The following SOS1 variants were observed in gnomAD, a reference collection of about 807,000 sequenced individuals.
SOS1 encodes the protein SOS Ras/Rac guanine nucleotide exchange factor 1, also known as son of sevenless homolog 1.
A neutral mutation model predicts 157.6 loss-of-function variants in SOS1; 25 were observed. The observed-to-expected ratio is 0.16, with a 90% CI of 0.12 to 0.22. SOS1 has a LOEUF of 0.22. Ranked by LOEUF, SOS1 falls within the 10% of genes least tolerant of loss-of-function variation. SOS1 has a pLI of 1.00. For missense variants in SOS1, 1,237 were observed against 1,599.1 expected (o/e 0.77, Z 3.86); for synonymous variants, 528 against 534.0 (o/e 0.99, Z 0.16).
intron 2 of SOS1, among the ~76,000 whole-genome samples, chr2:39,063,318 T>C (rs1671475577): frequency 7.8e-6 from 1 of 127,428 alleles, no homozygotes; most frequent in Non-Finnish European, 1.7e-5. Flanking sequence ...ATTACAAGTA[T>C]TCTAGAGATG....
chr2:39,011,511 T>C (rs1474697005), intron 14 of SOS1, among the ~76,000 whole-genome samples: 1 of 152,254 alleles, frequency 6.6e-6, no homozygotes, highest in Non-Finnish European at 1.5e-5. Flanking sequence ...ACACTGTAAT[T>C]TTCAGAAATA....
At chr2:39,078,130 A>C (rs1206569864) in intron 1 of SOS1, among the ~76,000 whole-genome samples, 1 of 152,198 alleles carries the variant, frequency 6.6e-6, no homozygotes, top group Admixed American at 6.5e-5. Context: ...ATTTCATGGA[A>C]GGGGAAACAC....
chr2:39,099,980 G>A (rs1672904375), intron 1 of SOS1, among the ~76,000 whole-genome samples: 3 of 152,164 alleles, frequency 2.0e-5, no homozygotes, highest in Admixed American at 1.3e-4. Context: ...CCCTCCCAAA[G>A]TGCTGGGATT....
intron 1 of SOS1, among the ~76,000 whole-genome samples, chr2:39,106,590 C>CAAAAAA (rs775720230): frequency 0.015 from 465 of 31,094 alleles, 15 homozygotes; most frequent in African/African-American, 0.039. Flanking sequence ...GACTCCGTCT[C>CAAAAAA]AAAAAAAAAA....
At position 39,111,884 on chromosome 2, in the gene SOS1, C is replaced by A. The variant is rs559293082; in HGVS notation, c.87+8452G>T. Among the ~76,000 whole-genome samples, 18 of 152,246 alleles carry A rather than the reference C, an allele frequency of 1.2e-4. No individual in the cohort carries two copies. In the South Asian group the frequency reaches 3.7e-3, roughly 32 times the overall value. ...AGCTGGGACTACAGGCACACACCAC[C>A]ACATCCAGATAATTTTTGTATTTTT... On this transcript the variant is annotated intron_variant, in intron 1 of 22. Transcript: ENST00000402219.
chr2:39,057,361 C>T lies in SOS1; in HGVS notation c.346-495G>A, dbSNP rs142156014. On this transcript the variant is annotated intron_variant, in intron 3 of 22. Transcript: ENST00000402219. ...TTCCTGGTATTCCTGGCAATTTCTA[C>T]GAAAATAAAATTCATGTTATGTCCT... 3.6e-3 allele frequency among the ~76,000 whole-genome samples: 546 copies of T among 152,088 alleles called. 3 individuals carry two copies. The highest frequency in any genetic ancestry group is 0.012 in the African/African-American group (511 of 41,500).
chr2:39,027,218 AAG>A (rs1305320943), intron 8 of SOS1, among the ~76,000 whole-genome samples: 1 of 152,210 alleles, frequency 6.6e-6, no homozygotes, highest in Non-Finnish European at 1.5e-5. Flanking sequence ...ATATTTATAA[AAG>A]AAAAAATCCA....
chr2:38,996,743 A>C (rs1281423918), intron 19 of SOS1, among the ~76,000 whole-genome samples, 179 bp downstream of exon 19: 3 of 152,184 alleles, frequency 2.0e-5, no homozygotes, highest in Admixed American at 6.5e-5. Context: ...GATTTACTCA[A>C]ATTAATACTA....
chr2:38,990,082 T>G (rs1668683665), intron 20 of SOS1, among the ~76,000 whole-genome samples: 1 of 152,078 alleles, frequency 6.6e-6, no homozygotes, highest in Non-Finnish European at 1.5e-5. Flanking sequence ...GTGTCTCATA[T>G]TAACAACAGA....
At chr2:39,053,584 C>T (rs149730819) in intron 5 of SOS1, among the ~76,000 whole-genome samples, 1 of 152,210 alleles carries the variant, frequency 6.6e-6, no homozygotes, top group African/African-American at 2.4e-5. Context: ...TTAATTTTCA[C>T]TCATCGCCAT....
At chr2:39,110,039 C>CGTGTGTGTGTGTGTGTGTGTGT (rs779110307) in intron 1 of SOS1, among the ~76,000 whole-genome samples, 1 of 135,420 alleles carries the variant, frequency 7.4e-6, no homozygotes, top group African/African-American at 2.9e-5. Flanking sequence ...TGTGTGTGTG[C>CGTGTGTGTGTGTGTGTGTGTGT]GTGTGTGTGT....
At position 38,984,899 on chromosome 2, in the gene SOS1, C is replaced by T. The variant is rs1668507774; in HGVS notation, c.*925G>A. 1.3e-5 allele frequency: 2 copies of T among 152,152 alleles called. No homozygotes were observed. The allele number at this position is 152,152 out of a possible 1,614,324, so 9.4% of individuals were successfully genotyped here. On this transcript the variant is annotated 3_prime_UTR_variant, in exon 23 of 23. Transcript: ENST00000402219. Reference sequence around the variant, plus strand: ...TGTCAGTGATGCCCAGCAAGTGCTCCTTTTCACATTGGGTGCCTGCATTTC... The same window carrying T: ...TGTCAGTGATGCCCAGCAAGTGCTCTTTTTCACATTGGGTGCCTGCATTTC...
At chr2:39,034,943 T>A in intron 8 of SOS1, 1 of 541,566 alleles carries the variant, frequency 1.8e-6, no homozygotes, top group Non-Finnish European at 3.5e-6. Context: ...TATCTGACAA[T>A]TGCTTTAACA....
intron 8 of SOS1, among the ~76,000 whole-genome samples, chr2:39,029,195 A>G (rs1255541444): frequency 6.6e-6 from 1 of 152,262 alleles, no homozygotes; most frequent in African/African-American, 2.4e-5. Flanking sequence ...AATTCCAAAC[A>G]TTAAACAGGC....
At chr2:39,102,506 G>A (rs1401296114) in intron 1 of SOS1, among the ~76,000 whole-genome samples, 1 of 135,596 alleles carries the variant, frequency 7.4e-6, no homozygotes, top group African/African-American at 2.9e-5. Flanking sequence ...ACTCCAGCCT[G>A]GGCAACAGAG....
intron 1 of SOS1, among the ~76,000 whole-genome samples, chr2:39,085,837 A>G (rs1230927928): frequency 6.6e-6 from 1 of 152,264 alleles, no homozygotes; most frequent in African/African-American, 2.4e-5. Context: ...CAGATAGTAT[A>G]AGAGACACAG....
intron 3 of SOS1, 129 bp from the exon 4 acceptor site, chr2:39,056,995 A>G (rs891730943): frequency 1.4e-6 from 1 of 706,472 alleles, no homozygotes; most frequent in South Asian, 1.6e-5. Context: ...TACCAACAAC[A>G]TTTAATTGTA....
chr2:39,036,827 G>A (rs1331029859), intron 6 of SOS1, among the ~76,000 whole-genome samples: 2 of 151,554 alleles, frequency 1.3e-5, no homozygotes, highest in Non-Finnish European at 2.9e-5. Flanking sequence ...CGCCCGCCTC[G>A]GCCTCCCAAA....
At chr2:39,091,922 C>A (rs372813628) in intron 1 of SOS1, among the ~76,000 whole-genome samples, 1 of 152,212 alleles carries the variant, frequency 6.6e-6, no homozygotes, top group East Asian at 1.9e-4. Context: ...CAATTATGAT[C>A]ATTTCTCACC....
Sources: allele counts gnomAD v4.1 joint callset (sites outside exome capture counted in the v4.1 genomes callset), GRCh38; gene constraint gnomAD v4.1.1; transcripts MANE v1.5; gene names NCBI Gene and HGNC (gene_info 2026-07-23, HGNC 2026-07-21).